TECPR2: variants seen among roughly 807,000 people sequenced by gnomAD.
TECPR2 encodes the protein tectonin beta-propeller repeat-containing protein 2.
TECPR2 carries 65 observed loss-of-function variants against 138.1 expected under a neutral mutation model. The ratio of observed to expected loss-of-function variants is 0.47; its 90% CI spans 0.39 to 0.58. The LOEUF (loss-of-function observed/expected upper bound fraction) is 0.58. TECPR2 is among the 20% of genes least tolerant of loss of function. The probability of loss-of-function intolerance (pLI) is 0.00; values close to 1 mark genes in which losing one functional copy is unlikely to be tolerated. For synonymous variants in TECPR2, 746 were observed against 749.8 expected (o/e 0.99, Z 0.08); for missense variants, 1,553 against 1,824.5 (o/e 0.85, Z 2.71).
At chr14:102,380,726 T>C in intron 2 of TECPR2, among the ~76,000 whole-genome samples, 1 of 152,244 alleles carries the variant, frequency 6.6e-6, no homozygotes, top group East Asian at 1.9e-4. Context: ...TCGCCCAGGC[T>C]AGAGTGCAGT....
intron 6 of TECPR2, among the ~76,000 whole-genome samples, chr14:102,426,028 G>GCA (rs1238572428): frequency 1.3e-5 from 2 of 148,676 alleles, no homozygotes; most frequent in Admixed American, 6.7e-5. Flanking sequence ...GGGATTACAG[G>GCA]TGCGCACCAC....
chr14:102,474,379 C>T (rs1341506935), intron 17 of TECPR2, among the ~76,000 whole-genome samples: 1 of 152,236 alleles, frequency 6.6e-6, no homozygotes, highest in Non-Finnish European at 1.5e-5. Flanking sequence ...AATGCCAGCA[C>T]TTTGGGAGGC....
chr14:102,483,794 T>TTC, intron 17 of TECPR2, among the ~76,000 whole-genome samples: 2 of 48,940 alleles, frequency 4.1e-5, no homozygotes, highest in African/African-American at 2.2e-4. Flanking sequence ...TCCTTTTCTT[T>TTC]TTTTTTTTTT....
chr14:102,431,696 G>A, intron 7 of TECPR2, 100 bp from the exon 8 acceptor site: 2 of 1,189,548 alleles, frequency 1.7e-6, no homozygotes, highest in Non-Finnish European at 2.4e-6. Context: ...GCTGGCTGGT[G>A]CCTCTGTGAC....
chr14:102,436,894 C>T (rs1168219796), intron 9 of TECPR2: 1 of 748,834 alleles, frequency 1.3e-6, no homozygotes, highest in Non-Finnish European at 1.6e-6. Flanking sequence ...TGGGCGTTAG[C>T]CAGGCAGACT....
At chr14:102,384,014 G>A (rs999422924) in intron 2 of TECPR2, among the ~76,000 whole-genome samples, 3 of 149,544 alleles carry the variant, frequency 2.0e-5, no homozygotes, top group South Asian at 2.2e-4. Context: ...TCTGCCTCCC[G>A]ATTCAAGCGA....
At chr14:102,470,191 T>TCTTTCGAATTA (rs1163485942) in intron 17 of TECPR2, among the ~76,000 whole-genome samples, 11 of 152,216 alleles carry the variant, frequency 7.2e-5, no homozygotes, top group African/African-American at 1.9e-4. Flanking sequence ...ACCCCATTTG[T>TCTTTCGAATTA]TAGAATTCGT....
At chr14:102,366,197 G>A (rs1321642547) in intron 1 of TECPR2, among the ~76,000 whole-genome samples, 1 of 152,152 alleles carries the variant, frequency 6.6e-6, no homozygotes, top group African/African-American at 2.4e-5. Context: ...AGTCAGCAGT[G>A]AAGGCTAGCT....
At chr14:102,490,953 G>A (rs1306165466) in intron 17 of TECPR2, among the ~76,000 whole-genome samples, 2 of 152,160 alleles carry the variant, frequency 1.3e-5, no homozygotes, top group Non-Finnish European at 2.9e-5. Context: ...GGAGTGCAAT[G>A]TCACGATCTC....
chr14:102,377,027 T>A, intron 2 of TECPR2, 87 bp downstream of exon 2: 1 of 1,405,216 alleles, frequency 7.1e-7, no homozygotes, highest in Non-Finnish European at 9.7e-7. Flanking sequence ...GATAATTTAC[T>A]TCTGATTTGC....
In TECPR2 at chr14:102,432,042, T is replaced by G. The variant is rs752994107; in HGVS notation, c.1331T>G (p.Phe444Cys). Residue 444 changes from phenylalanine to cysteine, a missense_variant, in exon 8 of 20, where the codon TTC becomes TGC. Transcript: ENST00000359520. ...GKGSQPLSQR[F>C]NAISSEDFDQ... is the part of the protein sequence containing the mutation. ...GGCAGCCAGCCCCTGTCACAGAGAT[T>G]CAACGCCATCAGCTCAGAGGACTTT... 1 of 1,612,856 alleles carries G rather than the reference T, an allele frequency of 6.2e-7. No homozygotes were observed. Among genetic ancestry groups the G allele is most frequent in the Non-Finnish European group, 8.5e-7 (1 of 1,179,918 alleles).
At chr14:102,389,368 A>G (rs1398694762) in intron 2 of TECPR2, among the ~76,000 whole-genome samples, 1 of 152,160 alleles carries the variant, frequency 6.6e-6, no homozygotes. Flanking sequence ...TTAAAAATGC[A>G]TATGAAATTG....
intron 5 of TECPR2, among the ~76,000 whole-genome samples, chr14:102,421,517 G>A (rs1416165777): frequency 6.6e-6 from 1 of 152,190 alleles, no homozygotes; most frequent in East Asian, 1.9e-4. Flanking sequence ...CTATCTGTTT[G>A]CCTATGTGGG....
chr14:102,498,833 C>T lies in TECPR2; in HGVS notation c.*576C>T. The stretch of plus-strand genomic sequence containing the variant: ...GCTTGAGAGGAGAGCGCTGGCCATG[C>T]CAGGAGAGAACCCACGCACATGCAC... On this transcript the variant is annotated 3_prime_UTR_variant, in exon 20 of 20. Coordinates refer to ENST00000359520, the MANE Select transcript of TECPR2 (RefSeq NM_014844.5). The T allele has an allele frequency of 1.6e-6, 1 of 611,176 alleles. No individual in the cohort carries two copies. Among genetic ancestry groups the T allele is most frequent in the Non-Finnish European group, 3.1e-6 (1 of 324,688 alleles). 37.9% of individuals were successfully genotyped at this position (611,176 alleles called of 1,614,324 possible).
At chr14:102,481,828 G>T (rs1026285285) in intron 17 of TECPR2, among the ~76,000 whole-genome samples, 3 of 152,232 alleles carry the variant, frequency 2.0e-5, no homozygotes, top group Admixed American at 2.0e-4. Context: ...AGAGAAGCAT[G>T]CAGAGCTCTT....
rs1243904111 is a variant in TECPR2 at position 102,500,207 on chromosome 14, GAA to G, written c.*1951_*1952del. ...GCCGAGTGTGGTGCCTGAGCTGTGA[GAA>G]GTGTCCTCAGCCGACACTCACGAGG... On this transcript the variant is annotated 3_prime_UTR_variant, in exon 20 of 20. Coordinates refer to ENST00000359520, the MANE Select transcript of TECPR2 (RefSeq NM_014844.5). 7 of 152,538 alleles carry G rather than the reference GAA, an allele frequency of 4.6e-5. No homozygotes were observed. Among genetic ancestry groups the G allele is most frequent in the Admixed American group, 4.6e-4 (7 of 15,290 alleles). The allele number at this position is 152,538 out of a possible 1,614,324, so 9.4% of individuals were successfully genotyped here.
At chr14:102,376,150 T>C (rs1887634085) in intron 1 of TECPR2, among the ~76,000 whole-genome samples, 1 of 152,170 alleles carries the variant, frequency 6.6e-6, no homozygotes, top group Admixed American at 6.6e-5. Context: ...GCATCTGAGA[T>C]TGGCCCACTA....
chr14:102,448,957 A>G (rs1890064954), intron 13 of TECPR2, among the ~76,000 whole-genome samples: 1 of 152,002 alleles, frequency 6.6e-6, no homozygotes, highest in Non-Finnish European at 1.5e-5. Flanking sequence ...CATTGGAAAT[A>G]CCTGATTTAA....
At chr14:102,456,222 G>A (rs2139760530) in intron 16 of TECPR2, among the ~76,000 whole-genome samples, 1 of 152,208 alleles carries the variant, frequency 6.6e-6, no homozygotes, top group East Asian at 1.9e-4. Context: ...GCTGCTGGTG[G>A]TGGGGCTTTT....
Sources: gnomAD v4.1 joint callset for allele counts (sites outside exome capture counted in the v4.1 genomes callset) on GRCh38, gnomAD v4.1.1 for gene constraint, MANE v1.5 for transcripts, NCBI Gene and HGNC (gene_info 2026-07-23, HGNC 2026-07-21) for gene names.